Variants in SPATA6 observed in about 807,000 individuals in gnomAD.
The protein encoded by SPATA6 is spermatogenesis-associated protein 6.
Under a neutral mutation model 65.3 loss-of-function variants are expected in SPATA6, and 56 were observed. That is an observed-to-expected ratio of 0.86 (90% CI 0.69 to 1.07). The LOEUF (loss-of-function observed/expected upper bound fraction) is 1.07. Ranked by LOEUF, SPATA6 falls within the 50% of genes least tolerant of loss-of-function variation. The pLI is 0.00. For synonymous variants in SPATA6, 199 were observed against 213.2 expected (o/e 0.93, Z 0.58); for missense variants, 590 against 594.8 (o/e 0.99, Z 0.08).
chr1:48,414,562 A>T (rs969432687), intron 3 of SPATA6, among the ~76,000 whole-genome samples: 3 of 152,132 alleles, frequency 2.0e-5, no homozygotes, highest in African/African-American at 7.2e-5. Flanking sequence ...AGGGGAAGGG[A>T]AAAACTCACT....
the SPATA6 span, among the ~76,000 whole-genome samples, chr1:48,269,220 C>A: frequency 2.0e-5 from 3 of 152,172 alleles, no homozygotes; most frequent in Non-Finnish European, 4.4e-5. Context: ...TCCTCAACAT[C>A]TTCCCAAGTA....
At chr1:48,275,356 G>C in the SPATA6 span, among the ~76,000 whole-genome samples, 8 of 152,124 alleles carry the variant, frequency 5.3e-5, no homozygotes, top group Admixed American at 5.2e-4. Flanking sequence ...GATTGCCCTG[G>C]CCAGAACTTC....
intron 1 of SPATA6, among the ~76,000 whole-genome samples, chr1:48,465,611 C>T (rs1657752717): frequency 6.6e-6 from 1 of 152,036 alleles, no homozygotes; most frequent in Non-Finnish European, 1.5e-5. Context: ...TAAGAAAATA[C>T]ATATTTCTAA....
intron 11 of SPATA6, among the ~76,000 whole-genome samples, chr1:48,329,311 T>C (rs1360830590): frequency 2.6e-5 from 4 of 152,182 alleles, no homozygotes; most frequent in Non-Finnish European, 5.9e-5. Context: ...CATTCTTAAA[T>C]GTATAGATTA....
chr1:48,276,498 G>A, the SPATA6 span, among the ~76,000 whole-genome samples: 1 of 152,170 alleles, frequency 6.6e-6, no homozygotes, highest in African/African-American at 2.4e-5. Flanking sequence ...TGTAAACACT[G>A]TTTTAGCTGT....
rs186954612 is a variant in SPATA6, at chr1:48,445,469, G to A, written c.238+6083C>T. 1.6e-4 allele frequency among the ~76,000 whole-genome samples: 24 copies of A among 152,018 alleles called. No individual in the cohort carries two copies. The East Asian group carries it at 4.1e-3, about 26-fold the overall frequency. ...ACGAGGTCAGATCGAGACCATCCTG[G>A]CTAACATGGTAAAACCCCGTCTCTA... On this transcript the variant is annotated intron_variant, in intron 3 of 12. Transcript: ENST00000371847.
At chr1:48,310,179 C>T (rs1241641912) in intron 11 of SPATA6, among the ~76,000 whole-genome samples, 3 of 152,164 alleles carry the variant, frequency 2.0e-5, no homozygotes, top group Non-Finnish European at 4.4e-5. Flanking sequence ...TAACAATTGC[C>T]TGTAATTATT....
At chr1:48,359,494 T>A in intron 10 of SPATA6, 92 bp downstream of exon 10, 2 of 1,386,438 alleles carry the variant, frequency 1.4e-6, no homozygotes, top group Non-Finnish European at 2.0e-6. Context: ...TACACTTTTA[T>A]AAACATTCAT....
chr1:48,292,811 G>A (rs1299405523), downstream of SPATA6, among the ~76,000 whole-genome samples: 1 of 152,266 alleles, frequency 6.6e-6, no homozygotes, highest in Non-Finnish European at 1.5e-5. Flanking sequence ...ACAGATGAAT[G>A]TGGTGGTTAA....
intron 11 of SPATA6, among the ~76,000 whole-genome samples, chr1:48,313,352 G>A (rs938738597): frequency 1.3e-5 from 2 of 152,172 alleles, no homozygotes; most frequent in African/African-American, 4.8e-5. Context: ...TCTCTTGGCA[G>A]AAACTCTACA....
chr1:48,288,067 G>GT, the SPATA6 span, among the ~76,000 whole-genome samples: 1 of 152,108 alleles, frequency 6.6e-6, no homozygotes, highest in Non-Finnish European at 1.5e-5. Context: ...TTATCATGTG[G>GT]TTTTTGTCTT....
rs539989800 is a variant in SPATA6, at chr1:48,472,146, G to A, written c.-138C>T. On this transcript the variant is annotated 5_prime_UTR_variant, in exon 1 of 13. Coordinates refer to ENST00000371847, the MANE Select transcript of SPATA6 (RefSeq NM_019073.4). ...CAGTGGCCCCCAGGCCGGGGCCCGC[G>A]GTCCAGCCTGGGTTCCGCCGGAGAA... 1.7e-4 allele frequency: 109 copies of A among 641,054 alleles called. No individual in the cohort carries two copies. The African/African-American group carries it at 1.8e-3, about 11-fold the overall frequency. The allele number at this position is 641,054 out of a possible 1,614,324, so 39.7% of individuals were successfully genotyped here. A position where few individuals can be genotyped will look rare whatever the true frequency, so the allele number is the denominator to read the frequency against.
At chr1:48,397,278 T>C (rs1033637628) in intron 7 of SPATA6, among the ~76,000 whole-genome samples, 6 of 151,756 alleles carry the variant, frequency 4.0e-5, no homozygotes, top group African/African-American at 1.4e-4. Context: ...TGGAACCAGA[T>C]AGCTGCATAA....
At chr1:48,312,009 C>T (rs916323101) in intron 11 of SPATA6, among the ~76,000 whole-genome samples, 6 of 152,130 alleles carry the variant, frequency 3.9e-5, no homozygotes, top group African/African-American at 7.2e-5. Context: ...AAGGTGGCAG[C>T]GAGGCTGGGG....
At chr1:48,452,771 TA>T (rs1420261368) in intron 2 of SPATA6, among the ~76,000 whole-genome samples, 1 of 152,212 alleles carries the variant, frequency 6.6e-6, no homozygotes, top group Non-Finnish European at 1.5e-5. Flanking sequence ...TAAAGTCCAC[TA>T]AATCAATTTT....
In SPATA6 at chr1:48,317,254, A is replaced by C. The variant is rs1342505803; in HGVS notation, c.1195-11376T>G. 3.3e-5 allele frequency among the ~76,000 whole-genome samples: 5 copies of C among 152,210 alleles called. No individual in the cohort carries two copies. The South Asian group carries it at 6.2e-4, about 19-fold the overall frequency. On this transcript the variant is annotated intron_variant, in intron 11 of 12. Coordinates refer to ENST00000371847, the MANE Select transcript of SPATA6 (RefSeq NM_019073.4). ...ATATGTTTATCGCGGCATTATTCACAATAGCAAGACTTGGAACCAACCCAA... is the reference window on the plus strand; with the variant it reads ...ATATGTTTATCGCGGCATTATTCACCATAGCAAGACTTGGAACCAACCCAA...
At chr1:48,333,102 G>A (rs1207641580) in intron 11 of SPATA6, among the ~76,000 whole-genome samples, 1 of 152,140 alleles carries the variant, frequency 6.6e-6, no homozygotes, top group African/African-American at 2.4e-5. Flanking sequence ...CATTTGAGTA[G>A]GTGGACTGGG....
the SPATA6 span, among the ~76,000 whole-genome samples, chr1:48,282,271 T>A: frequency 2.0e-5 from 3 of 152,260 alleles, no homozygotes; most frequent in Non-Finnish European, 4.4e-5. Context: ...GACATAGGCA[T>A]GGGCAAGGAT....
At chr1:48,374,063 T>C (rs747766532) in intron 9 of SPATA6, among the ~76,000 whole-genome samples, 1 of 152,186 alleles carries the variant, frequency 6.6e-6, no homozygotes, top group African/African-American at 2.4e-5. Flanking sequence ...CTTAGAAGTA[T>C]GGGAAAGTGT....
Sources: gnomAD v4.1 joint callset for allele counts (sites outside exome capture counted in the v4.1 genomes callset) on GRCh38, gnomAD v4.1.1 for gene constraint, MANE v1.5 for transcripts, NCBI Gene and HGNC (gene_info 2026-07-23, HGNC 2026-07-21) for gene names.